CREM: variants seen among roughly 807,000 people sequenced by gnomAD.
CREM encodes the protein cAMP-responsive element modulator.
A neutral mutation model predicts 37.3 loss-of-function variants in CREM; 13 were observed. The observed-to-expected ratio is 0.35, with a 90% CI of 0.23 to 0.55. The LOEUF is 0.55. Among genes scored for constraint, CREM ranks in the 20% least tolerant of loss-of-function variants. The pLI, the probability that CREM is intolerant of heterozygous loss-of-function variation, is 0.88. For missense variants in CREM, 296 were observed against 362.3 expected (o/e 0.82, Z 1.49); for synonymous variants, 124 against 120.2 (o/e 1.03, Z -0.21).
chr10:35,143,027 A>G (rs890565587), intron 2 of CREM, among the ~76,000 whole-genome samples: 1 of 152,202 alleles, frequency 6.6e-6, no homozygotes, highest in Admixed American at 6.5e-5. Flanking sequence ...ATATACAGCA[A>G]TGGCACAATC....
At chr10:35,134,239 G>A (rs1162417334) in intron 1 of CREM, among the ~76,000 whole-genome samples, 8 of 151,364 alleles carry the variant, frequency 5.3e-5, no homozygotes, top group Admixed American at 4.6e-4. Flanking sequence ...TTTTTTAAAT[G>A]AGAGTCTCGC....
chr10:35,211,835 T>A lies in CREM; in HGVS notation c.*437T>A. 1 of 1,564,010 alleles carries A rather than the reference T, an allele frequency of 6.4e-7. No homozygotes were observed. ...TTAACTATGAACTGAAGGCAGCATG[T>A]ATAGTTGCTTTTGAAGGAATACAAT... On this transcript the variant is annotated 3_prime_UTR_variant, in exon 8 of 8. Coordinates refer to ENST00000685392, the MANE Select transcript of CREM (RefSeq NM_183011.2).
intron 5 of CREM, among the ~76,000 whole-genome samples, chr10:35,187,039 ATATT>A (rs2094610203): frequency 1.4e-5 from 1 of 73,744 alleles, no homozygotes; most frequent in Non-Finnish European, 2.4e-5. Context: ...CATATAATAT[ATATT>A]ATATATAATT....
At chr10:35,184,642 T>C (rs2094478217) in intron 5 of CREM, among the ~76,000 whole-genome samples, 1 of 152,138 alleles carries the variant, frequency 6.6e-6, no homozygotes, top group African/African-American at 2.4e-5. Flanking sequence ...TGTTTAGCTT[T>C]TGTTTTCCAT....
chr10:35,127,280 A>C (rs1477367125), intron 1 of CREM, 87 bp downstream of exon 1: 1 of 153,106 alleles, frequency 6.5e-6, no homozygotes, highest in Non-Finnish European at 1.5e-5. Flanking sequence ...GGCGGAGCGG[A>C]GCCGGGTGCG....
chr10:35,131,543 A>G (rs1209556008), intron 1 of CREM, among the ~76,000 whole-genome samples: 4 of 152,172 alleles, frequency 2.6e-5, no homozygotes. Flanking sequence ...AATTATGACA[A>G]CTGTATCACA....
At chr10:35,159,384 A>T (rs2093148848) in intron 3 of CREM, among the ~76,000 whole-genome samples, 1 of 152,200 alleles carries the variant, frequency 6.6e-6, no homozygotes, top group Non-Finnish European at 1.5e-5. Flanking sequence ...AGATACATTG[A>T]TCAATGGAAC....
chr10:35,200,469 G>A (rs1188905036), intron 6 of CREM, among the ~76,000 whole-genome samples: 7 of 152,184 alleles, frequency 4.6e-5, no homozygotes, highest in African/African-American at 1.7e-4. Context: ...AAATATTTTG[G>A]TGAGTTAATT....
intron 6 of CREM, among the ~76,000 whole-genome samples, chr10:35,199,782 C>G (rs2095328320): frequency 6.6e-6 from 1 of 151,632 alleles, no homozygotes; most frequent in African/African-American, 2.4e-5. Flanking sequence ...AGTCACCTGA[C>G]ATTGACACAT....
intron 1 of CREM, among the ~76,000 whole-genome samples, chr10:35,137,404 TA>T (rs2090725395): frequency 6.6e-6 from 1 of 152,190 alleles, no homozygotes; most frequent in East Asian, 1.9e-4. Context: ...AAGTGATCAT[TA>T]ACTTCTTAAA....
chr10:35,137,975 T>A, intron 2 of CREM, 96 bp downstream of exon 2: 1 of 819,934 alleles, frequency 1.2e-6, no homozygotes, highest in South Asian at 2.2e-5. Flanking sequence ...CATACATGTA[T>A]GTATGTATAT....
chr10:35,168,096 A>G (rs1435804142), intron 3 of CREM, among the ~76,000 whole-genome samples: 3 of 152,154 alleles, frequency 2.0e-5, no homozygotes, highest in Admixed American at 6.6e-5. Context: ...ATGATTTATA[A>G]TCCTTTGGGT....
At chr10:35,150,763 G>A (rs2092541947) in intron 3 of CREM, among the ~76,000 whole-genome samples, 1 of 152,146 alleles carries the variant, frequency 6.6e-6, no homozygotes, top group African/African-American at 2.4e-5. Flanking sequence ...TGAGGTTGCA[G>A]TGAGCCAAGT....
At chr10:35,182,417 A>G (rs2094390865) in intron 5 of CREM, among the ~76,000 whole-genome samples, 1 of 150,762 alleles carries the variant, frequency 6.6e-6, no homozygotes, top group Admixed American at 6.6e-5. Context: ...CTTTTATTAT[A>G]AAAAAAAATT....
chr10:35,159,300 G>A (rs2093142317), intron 3 of CREM, among the ~76,000 whole-genome samples: 1 of 151,924 alleles, frequency 6.6e-6, no homozygotes, highest in Admixed American at 6.6e-5. Flanking sequence ...AAAGCTGAAG[G>A]CATCACACTA....
intron 3 of CREM, among the ~76,000 whole-genome samples, chr10:35,165,078 AG>A (rs2093481947): frequency 1.3e-5 from 2 of 148,820 alleles, no homozygotes; most frequent in South Asian, 2.1e-4. Context: ...AAAAAAAAAA[AG>A]AAAAGGAAAA....
chr10:35,209,322 GT>G, intron 7 of CREM: 1 of 985,372 alleles, frequency 1.0e-6, no homozygotes, highest in Non-Finnish European at 1.2e-6. Context: ...CCTTGTCAGA[GT>G]TTCTTCCTTG....
rs942467827 is a variant in CREM, at chr10:35,181,886, CA to C, written c.409+2618del. Among the ~76,000 whole-genome samples, 7 of 151,678 alleles carry C rather than the reference CA, an allele frequency of 4.6e-5. No homozygotes were observed. The East Asian group carries it at 5.8e-4, about 13-fold the overall frequency. On this transcript the variant is annotated intron_variant, in intron 5 of 7. Transcript: ENST00000685392. ...TGAGACTCTGTCTCAAAACAACAAA[CA>C]AAAAAAACACATCTGTCTATTTGCC... is the stretch of plus-strand genomic sequence containing the variant.
chr10:35,180,390 T>G (rs1022648668), intron 5 of CREM, among the ~76,000 whole-genome samples: 1 of 152,224 alleles, frequency 6.6e-6, no homozygotes, highest in Non-Finnish European at 1.5e-5. Context: ...CAAGCTATAA[T>G]CTTTAATGTA....
Sources: allele counts gnomAD v4.1 joint callset (sites outside exome capture counted in the v4.1 genomes callset), GRCh38; gene constraint gnomAD v4.1.1; transcripts MANE v1.5; gene names NCBI Gene and HGNC (gene_info 2026-07-23, HGNC 2026-07-21).